Variants in CNTNAP2 observed in about 807,000 individuals in gnomAD.
The protein encoded by CNTNAP2 is contactin-associated protein-like 2.
In CNTNAP2, 98 loss-of-function variants were observed where a neutral mutation model predicts 155.2. That is an observed-to-expected ratio of 0.63 (90% CI 0.54 to 0.75). CNTNAP2 has a LOEUF of 0.75. Among genes scored for constraint, CNTNAP2 ranks in the 30% least tolerant of loss-of-function variants. CNTNAP2 has a pLI of 0.00. For missense variants in CNTNAP2, 1,727 were observed against 1,688.1 expected (o/e 1.02, Z -0.40); for synonymous variants, 651 against 631.2 (o/e 1.03, Z -0.47).
At chr7:146,621,570 GA>G (rs1302126287) in intron 1 of CNTNAP2, among the ~76,000 whole-genome samples, 1 of 152,148 alleles carries the variant, frequency 6.6e-6, no homozygotes, top group Non-Finnish European at 1.5e-5. Flanking sequence ...CATCAACTGG[GA>G]TTGACCTAAT....
intron 3 of CNTNAP2, among the ~76,000 whole-genome samples, chr7:147,013,995 T>C (rs1798672871): frequency 6.6e-6 from 1 of 152,174 alleles, no homozygotes; most frequent in Non-Finnish European, 1.5e-5. Flanking sequence ...AATTTGTCTA[T>C]ATTAGAAGCA....
chr7:146,421,491 T>C (rs1351549522), intron 1 of CNTNAP2, among the ~76,000 whole-genome samples: 3 of 151,976 alleles, frequency 2.0e-5, no homozygotes, highest in Non-Finnish European at 4.4e-5. Context: ...AAATTGAGTT[T>C]TACAACAGGT....
At chr7:147,832,291 GT>G (rs199664962) in intron 13 of CNTNAP2, among the ~76,000 whole-genome samples, 7,207 of 142,506 alleles carry the variant, frequency 0.051, 222 homozygotes, top group Middle Eastern at 0.066. Context: ...TTAATTGTAT[GT>G]TTTTATATAT....
At chr7:146,844,389 C>A (rs1247689053) in intron 3 of CNTNAP2, among the ~76,000 whole-genome samples, 1 of 152,096 alleles carries the variant, frequency 6.6e-6, no homozygotes, top group Non-Finnish European at 1.5e-5. Context: ...TTTAGAACCT[C>A]TTTTCCAATG....
chr7:146,267,900 ATGAT>A (rs1237195698), intron 1 of CNTNAP2, among the ~76,000 whole-genome samples: 1 of 152,228 alleles, frequency 6.6e-6, no homozygotes, highest in African/African-American at 2.4e-5. Flanking sequence ...TCTATATCCC[ATGAT>A]TTATTCATTT....
At chr7:147,954,229 T>C (rs1800983809) in intron 14 of CNTNAP2, among the ~76,000 whole-genome samples, 3 of 152,138 alleles carry the variant, frequency 2.0e-5, no homozygotes. Flanking sequence ...TTTTTTCTTT[T>C]GGTGCCTCTC....
In CNTNAP2 at chr7:146,225,252, C is replaced by T. The variant is rs576762173; in HGVS notation, c.97+108279C>T. Among the ~76,000 whole-genome samples, 3 of 152,174 alleles carry T rather than the reference C, an allele frequency of 2.0e-5. No homozygotes were observed. In the East Asian group the frequency reaches 5.8e-4, roughly 29 times the overall value. ...TAGTAGTTTTTGAAAGTGAATTCAT[C>T]CAATAAACTACATCAAATAAAGGCA... On this transcript the variant is annotated intron_variant, in intron 1 of 23. Transcript: ENST00000361727.
chr7:147,981,275 A>G (rs185738018), intron 15 of CNTNAP2, among the ~76,000 whole-genome samples: 4 of 152,372 alleles, frequency 2.6e-5, no homozygotes, highest in African/African-American at 4.8e-5. Context: ...TGTTGATTAA[A>G]TTAAAATGCC....
intron 4 of CNTNAP2, among the ~76,000 whole-genome samples, chr7:147,104,082 T>G (rs1584845276): frequency 6.6e-6 from 1 of 152,192 alleles, no homozygotes; most frequent in East Asian, 1.9e-4. Context: ...GAATGCCACT[T>G]AAGTTAGTAT....
intron 1 of CNTNAP2, among the ~76,000 whole-genome samples, chr7:146,529,636 T>C (rs1461131743): frequency 1.3e-5 from 2 of 151,980 alleles, no homozygotes; most frequent in Non-Finnish European, 2.9e-5. Flanking sequence ...TAAGCTCACA[T>C]GGGCAGGAAA....
chr7:148,251,915 T>G (rs1253731685), intron 20 of CNTNAP2, among the ~76,000 whole-genome samples: 1 of 152,180 alleles, frequency 6.6e-6, no homozygotes, highest in African/African-American at 2.4e-5. Flanking sequence ...CCCAGTTCCA[T>G]ATACGTACCA....
At chr7:148,072,434 G>T (rs1353063323) in intron 15 of CNTNAP2, among the ~76,000 whole-genome samples, 1 of 152,148 alleles carries the variant, frequency 6.6e-6, no homozygotes, top group Non-Finnish European at 1.5e-5. Context: ...AATGGGTATG[G>T]TTGTGCTCCA....
At chr7:146,678,745 A>G (rs1294531539) in intron 1 of CNTNAP2, among the ~76,000 whole-genome samples, 4 of 152,238 alleles carry the variant, frequency 2.6e-5, no homozygotes, top group African/African-American at 9.6e-5. Flanking sequence ...CAATCTCTCA[A>G]TTTTCTTTCC....
chr7:147,586,711 T>G (rs1394574643), intron 12 of CNTNAP2, among the ~76,000 whole-genome samples: 1 of 152,112 alleles, frequency 6.6e-6, no homozygotes, highest in Non-Finnish European at 1.5e-5. Flanking sequence ...GTGTTGGTTG[T>G]TCCTTGCACA....
At chr7:147,917,069 G>A (rs1800174475) in intron 14 of CNTNAP2, among the ~76,000 whole-genome samples, 2 of 152,148 alleles carry the variant, frequency 1.3e-5, no homozygotes, top group African/African-American at 2.4e-5. Context: ...CTAAGCAATG[G>A]TATTGCAACA....
intron 13 of CNTNAP2, among the ~76,000 whole-genome samples, chr7:147,890,494 G>A (rs1432546496): frequency 6.6e-6 from 1 of 152,186 alleles, no homozygotes; most frequent in African/African-American, 2.4e-5. Context: ...TACCTGCTAT[G>A]TATTTTTTAA....
intron 11 of CNTNAP2, among the ~76,000 whole-genome samples, chr7:147,513,103 A>G (rs1417426466): frequency 2.0e-5 from 3 of 152,170 alleles, no homozygotes; most frequent in African/African-American, 7.2e-5. Context: ...ATATTTTTTC[A>G]TATTTTTAAT....
chr7:148,042,271 C>G (rs1182590294), intron 15 of CNTNAP2, among the ~76,000 whole-genome samples: 1 of 152,240 alleles, frequency 6.6e-6, no homozygotes, highest in Non-Finnish European at 1.5e-5. Context: ...ACAACTCTTT[C>G]ATCTTGCAAA....
intron 13 of CNTNAP2, among the ~76,000 whole-genome samples, chr7:147,882,105 G>A (rs551962705): frequency 6.6e-5 from 10 of 151,756 alleles, no homozygotes; most frequent in African/African-American, 2.2e-4. Context: ...TAGACATGTG[G>A]CAATATAATC....
Sources: gnomAD v4.1 joint callset for allele counts (sites outside exome capture counted in the v4.1 genomes callset) on GRCh38, gnomAD v4.1.1 for gene constraint, MANE v1.5 for transcripts, NCBI Gene and HGNC (gene_info 2026-07-23, HGNC 2026-07-21) for gene names.